MSRA: variants seen among roughly 807,000 people sequenced by gnomAD.
The protein encoded by MSRA is mitochondrial peptide methionine sulfoxide reductase.
A neutral mutation model predicts 31.3 loss-of-function variants in MSRA; 54 were observed. The ratio of observed to expected loss-of-function variants is 1.73; its 90% confidence interval spans 1.39 to 2.17. The LOEUF is 2.17. Ranked by LOEUF, MSRA falls within the 30% of genes most tolerant of loss-of-function variation. The pLI, the probability that MSRA is intolerant of heterozygous loss-of-function variation, is 0.00. For synonymous variants in MSRA, 169 were observed against 116.5 expected (o/e 1.45, Z -2.90); for missense variants, 507 against 300.9 (o/e 1.69, Z -5.07).
intron 5 of MSRA, among the ~76,000 whole-genome samples, chr8:10,322,831 C>T (rs1802125125): frequency 6.6e-6 from 1 of 152,162 alleles, no homozygotes; most frequent in Non-Finnish European, 1.5e-5. Context: ...GTGACTCACG[C>T]CTCTAATCCC....
At chr8:10,332,436 A>G (rs930960298) in intron 5 of MSRA, among the ~76,000 whole-genome samples, 16 of 151,402 alleles carry the variant, frequency 1.1e-4, no homozygotes, top group African/African-American at 3.4e-4. Flanking sequence ...GACTTACCTT[A>G]GTCAAAAAGA....
At chr8:10,351,437 A>G (rs1265462958) in intron 5 of MSRA, among the ~76,000 whole-genome samples, 1 of 151,936 alleles carries the variant, frequency 6.6e-6, no homozygotes, top group African/African-American at 2.4e-5. Flanking sequence ...TATTTTTGGT[A>G]GAGATGGGGT....
intron 1 of MSRA, among the ~76,000 whole-genome samples, chr8:10,185,331 A>G (rs7012386): frequency 0.055 from 8,393 of 152,232 alleles, 769 homozygotes; most frequent in African/African-American, 0.19. Context: ...CAGCTGGAAG[A>G]TGCTACCAGC....
At chr8:10,353,147 C>T (rs1047186519) in intron 5 of MSRA, among the ~76,000 whole-genome samples, 15 of 152,302 alleles carry the variant, frequency 9.8e-5, no homozygotes, top group African/African-American at 1.4e-4. Context: ...CACACATTCT[C>T]ACTGTGAGAC....
intron 1 of MSRA, among the ~76,000 whole-genome samples, chr8:10,112,701 A>G (rs1198232341): frequency 6.6e-6 from 1 of 152,220 alleles, no homozygotes; most frequent in African/African-American, 2.4e-5. Context: ...AGTGATATAA[A>G]TTCCACGACA....
chr8:10,068,465 C>G (rs1011076274), intron 1 of MSRA, among the ~76,000 whole-genome samples: 1 of 152,192 alleles, frequency 6.6e-6, no homozygotes, highest in Non-Finnish European at 1.5e-5. Flanking sequence ...GCTATGTGAT[C>G]CATTCCAAGT....
rs1294081344 is a variant in MSRA at position 10,390,989 on chromosome 8, A to G, written c.544-37159A>G. On this transcript the variant is annotated intron_variant, in intron 5 of 5. Coordinates refer to ENST00000317173, the MANE Select transcript of MSRA (RefSeq NM_012331.5). ...GACTCTGTCTCAAAAGAAAAAAAAA[A>G]AAAACAGCACAAGGTGCTGTGCTCT... is the stretch of plus-strand genomic sequence containing the variant. Among the ~76,000 whole-genome samples the G allele has an allele frequency of 9.2e-5, 14 of 151,496 alleles. 1 individual carries two copies. In the South Asian group the frequency reaches 2.3e-3, roughly 25 times the overall value.
chr8:10,288,146 T>C (rs1336101558), intron 3 of MSRA, among the ~76,000 whole-genome samples: 1 of 152,212 alleles, frequency 6.6e-6, no homozygotes, highest in Non-Finnish European at 1.5e-5. Context: ...TGTACTGATA[T>C]TTGATTGAAT....
chr8:10,237,761 C>G (rs75370818), intron 2 of MSRA, among the ~76,000 whole-genome samples: 1 of 152,238 alleles, frequency 6.6e-6, no homozygotes, highest in South Asian at 2.1e-4. Flanking sequence ...TGTGTCAAAT[C>G]TGTCAGGAAA....
At chr8:10,234,165 C>T (rs190281989) in intron 2 of MSRA, among the ~76,000 whole-genome samples, 1 of 152,038 alleles carries the variant, frequency 6.6e-6, no homozygotes. Context: ...AGATATATTT[C>T]AGTAAGATGA....
At chr8:10,356,909 AATAT>A (rs796169872) in intron 5 of MSRA, among the ~76,000 whole-genome samples, 51 of 77,718 alleles carry the variant, frequency 6.6e-4, no homozygotes, top group African/African-American at 1.1e-3. Flanking sequence ...AAAAAAAAAA[AATAT>A]ATGTGTCTTT....
In MSRA at chr8:10,302,761, C is replaced by T. The variant is rs761736957; in HGVS notation, c.436+1123C>T. ...AGAGGTCTGGGCCTAGGAAGGAGGCCGGGGGCACGATTTCCATGACCACAA... is the reference window on the plus strand; with the variant it reads ...AGAGGTCTGGGCCTAGGAAGGAGGCTGGGGGCACGATTTCCATGACCACAA... On this transcript the variant is annotated intron_variant, in intron 4 of 5. Transcript: ENST00000317173. 2.4e-4 allele frequency among the ~76,000 whole-genome samples: 36 copies of T among 152,092 alleles called. 1 individual carries two copies. Among genetic ancestry groups the T allele is most frequent in the Admixed American group, 1.6e-3 (25 of 15,272 alleles).
At chr8:10,231,527 G>C (rs1483134675) in intron 2 of MSRA, among the ~76,000 whole-genome samples, 4 of 152,224 alleles carry the variant, frequency 2.6e-5, no homozygotes, top group Non-Finnish European at 5.9e-5. Flanking sequence ...CAGGTGGGTG[G>C]TTAGGGGTTT....
At chr8:10,399,611 C>T (rs1217066908) in intron 5 of MSRA, among the ~76,000 whole-genome samples, 3 of 152,348 alleles carry the variant, frequency 2.0e-5, no homozygotes, top group Middle Eastern at 6.8e-3. Context: ...CCAGCAGAAC[C>T]ACAAGCCAAT....
intron 2 of MSRA, among the ~76,000 whole-genome samples, chr8:10,237,680 C>A (rs1812062213): frequency 6.6e-6 from 1 of 152,214 alleles, no homozygotes; most frequent in Admixed American, 6.5e-5. Flanking sequence ...CACGTCTGCT[C>A]CATCCACAAG....
chr8:10,237,649 C>T (rs986187544), intron 2 of MSRA, among the ~76,000 whole-genome samples: 2 of 152,214 alleles, frequency 1.3e-5, no homozygotes, highest in Non-Finnish European at 2.9e-5. Context: ...AGCCTGATTA[C>T]AACCGCCTGA....
intron 1 of MSRA, among the ~76,000 whole-genome samples, chr8:10,088,762 A>G (rs1222313100): frequency 2.0e-5 from 3 of 152,156 alleles, no homozygotes; most frequent in African/African-American, 4.8e-5. Context: ...TCAAGGGAGG[A>G]ATAAGGACCA....
intron 1 of MSRA, among the ~76,000 whole-genome samples, chr8:10,175,853 T>G (rs1038460856): frequency 6.6e-6 from 1 of 152,282 alleles, no homozygotes; most frequent in African/African-American, 2.4e-5. Flanking sequence ...TTTTAATATT[T>G]ACTTTTGGCT....
chr8:10,271,790 C>G (rs1482406689), intron 3 of MSRA, among the ~76,000 whole-genome samples: 1 of 149,794 alleles, frequency 6.7e-6, no homozygotes, highest in Non-Finnish European at 1.5e-5. Flanking sequence ...GCGATCTTGG[C>G]TCACCGCAAC....
Sources: gnomAD v4.1 joint callset for allele counts (sites outside exome capture counted in the v4.1 genomes callset) on GRCh38, gnomAD v4.1.1 for gene constraint, MANE v1.5 for transcripts, NCBI Gene and HGNC (gene_info 2026-07-23, HGNC 2026-07-21) for gene names.